The following CNOT10 variants were observed in gnomAD, a reference collection of about 807,000 sequenced individuals.
CNOT10 encodes the protein CCR4-NOT transcription complex subunit 10, also known as CCR4-NOT transcription complex, subunit 10.
CNOT10 carries 30 observed loss-of-function variants against 94.6 expected under a neutral mutation model. The observed-to-expected ratio is 0.32, with a 90% CI of 0.24 to 0.43. CNOT10 has a LOEUF of 0.43. CNOT10 is among the 20% of genes least tolerant of loss of function. CNOT10 has a pLI of 1.00. For synonymous variants in CNOT10, 289 were observed against 301.6 expected (o/e 0.96, Z 0.43); for missense variants, 759 against 877.2 (o/e 0.87, Z 1.70).
chr3:32,723,625 AT>A (rs145089268), intron 8 of CNOT10, among the ~76,000 whole-genome samples: 2,923 of 152,308 alleles, frequency 0.019, 55 homozygotes, highest in Middle Eastern at 0.071. Context: ...AATGTTAAAC[AT>A]TTTATGATTC....
intron 14 of CNOT10, among the ~76,000 whole-genome samples, chr3:32,762,005 C>CA (rs1218970740): frequency 6.6e-6 from 1 of 150,856 alleles, no homozygotes; most frequent in East Asian, 2.0e-4. Flanking sequence ...CTCCCGACCT[C>CA]AGGTGATCTG....
intron 13 of CNOT10, chr3:32,753,499 CAGAGCACATTTAA>C: frequency 6.4e-7 from 1 of 1,566,100 alleles, no homozygotes; most frequent in South Asian, 1.1e-5. Flanking sequence ...AATACCAGAA[CAGAGCACATTTAA>C]AGTAGTTTCA....
At chr3:32,691,775 G>A (rs1696858555) in intron 1 of CNOT10, among the ~76,000 whole-genome samples, 1 of 152,190 alleles carries the variant, frequency 6.6e-6, no homozygotes, top group African/African-American at 2.4e-5. Context: ...TTTCCTGCCA[G>A]CCAGGCATGG....
chr3:32,719,867 TTATACA>T (rs1202666905), intron 7 of CNOT10, among the ~76,000 whole-genome samples: 1 of 152,228 alleles, frequency 6.6e-6, no homozygotes, highest in African/African-American at 2.4e-5. Flanking sequence ...GACTGTATTC[TTATACA>T]TATACCTATA....
chr3:32,740,382 C>T (rs986297355), intron 13 of CNOT10, among the ~76,000 whole-genome samples: 24 of 152,090 alleles, frequency 1.6e-4, no homozygotes, highest in African/African-American at 5.5e-4. Flanking sequence ...TCGCTTCAAC[C>T]GGGGAGGCGG....
intron 13 of CNOT10, chr3:32,753,337 G>A: frequency 2.6e-6 from 3 of 1,155,400 alleles, no homozygotes; most frequent in Non-Finnish European, 3.9e-6. Context: ...GGTATGACTG[G>A]TATCAAACAG....
intron 10 of CNOT10, 108 bp downstream of exon 10, chr3:32,727,978 TTTTTATTTATTTA>T: frequency 1.4e-6 from 1 of 698,272 alleles, no homozygotes; most frequent in Non-Finnish European, 2.2e-6. Context: ...GACATTTCTC[TTTTTATTTATTTA>T]TTTATTTATT....
In CNOT10 at chr3:32,766,864, A is replaced by C. The variant is rs548343421; in HGVS notation, c.2004+2055A>C. 4.6e-5 allele frequency among the ~76,000 whole-genome samples: 7 copies of C among 152,304 alleles called. No individual in the cohort carries two copies. The East Asian group carries it at 1.3e-3, about 29-fold the overall frequency. ...ATGGGCATTGAGCCATACCTGTAGT[A>C]GGGGACTGGGTACCACCATTGGCAG... On this transcript the variant is annotated intron_variant, in intron 17 of 18. Transcript: ENST00000328834.
At chr3:32,689,354 AAAAAAAAAAAAAAAG>A (rs1398896884) in intron 1 of CNOT10, among the ~76,000 whole-genome samples, 1 of 123,016 alleles carries the variant, frequency 8.1e-6, no homozygotes, top group Admixed American at 8.8e-5. Flanking sequence ...ACACCATCTC[AAAAAAAAAAAAAAAG>A]AAAAAGAAAA....
intron 13 of CNOT10, among the ~76,000 whole-genome samples, chr3:32,741,536 G>A (rs925924241): frequency 1.3e-5 from 2 of 152,074 alleles, no homozygotes; most frequent in African/African-American, 2.4e-5. Context: ...TAGGGCGGCC[G>A]AGGCGAGCGG....
At chr3:32,726,729 T>TAATAATAAC (rs1391997325) in intron 9 of CNOT10, among the ~76,000 whole-genome samples, 5 of 135,340 alleles carry the variant, frequency 3.7e-5, no homozygotes, top group African/African-American at 1.3e-4. Context: ...ATAATAATAA[T>TAATAATAAC]AACCTATTTA....
intron 13 of CNOT10, among the ~76,000 whole-genome samples, chr3:32,741,633 G>A (rs1395648062): frequency 6.6e-6 from 1 of 152,034 alleles, no homozygotes; most frequent in Non-Finnish European, 1.5e-5. Flanking sequence ...GCCAGGCATG[G>A]TGGCGTGCAC....
intron 1 of CNOT10, among the ~76,000 whole-genome samples, chr3:32,694,892 CTT>C (rs753325500): frequency 6.6e-6 from 1 of 151,810 alleles, no homozygotes; most frequent in Non-Finnish European, 1.5e-5. Context: ...CCCAGCCTAA[CTT>C]TTATATTTTT....
intron 13 of CNOT10, among the ~76,000 whole-genome samples, chr3:32,748,869 C>T (rs192620142): frequency 3.6e-4 from 54 of 147,986 alleles, no homozygotes; most frequent in Admixed American, 1.0e-3. Flanking sequence ...CTTGCTCTGC[C>T]GCCCAGGCTG....
At chr3:32,753,633 ACATC>A in intron 13 of CNOT10, 1 of 1,565,202 alleles carries the variant, frequency 6.4e-7, no homozygotes, top group Non-Finnish European at 8.8e-7. Context: ...TAAAGCACCT[ACATC>A]CATCATCATC....
chr3:32,727,294 C>T (rs1444412294), intron 9 of CNOT10, among the ~76,000 whole-genome samples: 6 of 150,596 alleles, frequency 4.0e-5, no homozygotes, highest in Non-Finnish European at 7.4e-5. Flanking sequence ...CATAGTGAGA[C>T]CCCCCCATCT....
intron 12 of CNOT10, among the ~76,000 whole-genome samples, chr3:32,735,690 A>G (rs968298542): frequency 2.0e-5 from 3 of 152,192 alleles, no homozygotes; most frequent in Non-Finnish European, 4.4e-5. Context: ...CAGCCTGGTG[A>G]CAGAATGAGA....
chr3:32,734,783 G>A lies in CNOT10; in HGVS notation c.1338-17G>A, dbSNP rs376659659. 3 of 1,546,252 alleles carry A rather than the reference G, an allele frequency of 1.9e-6. No homozygotes were observed. In the African/African-American group the frequency reaches 4.1e-5, roughly 21 times the overall value. On this transcript the variant is annotated splice_polypyrimidine_tract_variant and intron_variant, in intron 11 of 18. Transcript: ENST00000328834. ...AATATTTTATCCACTTAGCTAATTT[G>A]GTTTTGTTCTTTTAAGTGATGGGCA... is the stretch of plus-strand genomic sequence containing the variant.
At chr3:32,753,075 A>T (rs1700034207) in intron 13 of CNOT10, 1 of 516,144 alleles carries the variant, frequency 1.9e-6, no homozygotes, top group Non-Finnish European at 3.8e-6. Flanking sequence ...TTATTGTCAC[A>T]TTCTTGTAAT....
Sources: allele counts gnomAD v4.1 joint callset (sites outside exome capture counted in the v4.1 genomes callset), GRCh38; gene constraint gnomAD v4.1.1; transcripts MANE v1.5; gene names NCBI Gene and HGNC (gene_info 2026-07-23, HGNC 2026-07-21).